The following CBLB variants were observed in gnomAD, a reference collection of about 807,000 sequenced individuals.
The protein encoded by CBLB is E3 ubiquitin-protein ligase CBL-B.
In CBLB, 31 loss-of-function variants were observed where a neutral mutation model predicts 104.9. That is an observed-to-expected ratio of 0.30 (90% CI 0.22 to 0.40). The LOEUF (loss-of-function observed/expected upper bound fraction) is 0.40. Among genes scored for constraint, CBLB ranks in the 10% least tolerant of loss-of-function variants. CBLB has a pLI of 1.00. For missense variants in CBLB, 1,062 were observed against 1,214.6 expected (o/e 0.87, Z 1.87); for synonymous variants, 440 against 422.6 (o/e 1.04, Z -0.51).
intron 1 of CBLB, chr3:105,868,339 G>C: frequency 6.2e-6 from 4 of 644,578 alleles, no homozygotes; most frequent in Non-Finnish European, 6.6e-6. Context: ...CTTTGTTTCA[G>C]GACGCCTGTG....
intron 12 of CBLB, 103 bp from the exon 13 acceptor site, chr3:105,693,691 A>AT: frequency 1.3e-6 from 1 of 763,094 alleles, no homozygotes; most frequent in Non-Finnish European, 2.3e-6. Context: ...AGTTCAGTAT[A>AT]TTTAAATAAG....
At chr3:105,807,515 G>C (rs946800125) in intron 3 of CBLB, among the ~76,000 whole-genome samples, 2 of 152,138 alleles carry the variant, frequency 1.3e-5, no homozygotes, top group African/African-American at 4.8e-5. Flanking sequence ...AGTCTTATTT[G>C]TGAAGTAAAA....
chr3:105,744,935 A>G (rs2075962461), intron 6 of CBLB, among the ~76,000 whole-genome samples: 1 of 152,224 alleles, frequency 6.6e-6, no homozygotes, highest in Non-Finnish European at 1.5e-5. Flanking sequence ...TCTCAAAAAC[A>G]AAGCAAAACA....
chr3:105,839,044 A>G (rs897876657), intron 3 of CBLB, among the ~76,000 whole-genome samples: 1 of 152,212 alleles, frequency 6.6e-6, no homozygotes, highest in African/African-American at 2.4e-5. Context: ...ATAGTCCTTG[A>G]TAAGATTATA....
intron 3 of CBLB, among the ~76,000 whole-genome samples, chr3:105,784,409 T>C (rs937477187): frequency 1.7e-4 from 26 of 152,218 alleles, no homozygotes; most frequent in Non-Finnish European, 3.2e-4. Context: ...ACATTAGAAA[T>C]GTTGGAAATT....
chr3:105,851,378 G>C (rs965112160), intron 3 of CBLB, among the ~76,000 whole-genome samples: 35 of 152,262 alleles, frequency 2.3e-4, no homozygotes, highest in Non-Finnish European at 4.1e-4. Context: ...TGGGTTCAGG[G>C]GGGGAAGTGA....
At chr3:105,696,433 A>C (rs1400040974) in intron 12 of CBLB, among the ~76,000 whole-genome samples, 1 of 151,822 alleles carries the variant, frequency 6.6e-6, no homozygotes, top group African/African-American at 2.4e-5. Context: ...GAGTACAATA[A>C]ATCACAACTT....
chr3:105,800,686 C>T (rs1453562122), intron 3 of CBLB, among the ~76,000 whole-genome samples: 1 of 152,074 alleles, frequency 6.6e-6, no homozygotes, highest in South Asian at 2.1e-4. Flanking sequence ...CAAACCCCCC[C>T]ACCCACTTCC....
chr3:105,740,747 C>A, intron 6 of CBLB, 116 bp from the exon 7 acceptor site: 1 of 871,744 alleles, frequency 1.1e-6, no homozygotes, highest in South Asian at 1.4e-5. Flanking sequence ...TTCCTGAATA[C>A]TCCTCATATT....
rs1577023877 is a variant in CBLB, at chr3:105,767,862, A to G, written c.566+8534T>C. On this transcript the variant is annotated intron_variant, in intron 4 of 18. Coordinates refer to ENST00000394030, the MANE Select transcript of CBLB (RefSeq NM_170662.5). Reference sequence around the variant, plus strand: ...ACCAACTAGATTCCCCAAAGTCACAAAGTGAGTAAATGTTGCAGTCAGAAC... The same window carrying G: ...ACCAACTAGATTCCCCAAAGTCACAGAGTGAGTAAATGTTGCAGTCAGAAC... Among the ~76,000 whole-genome samples the G allele has an allele frequency of 2.0e-5, 3 of 152,302 alleles. No individual in the cohort carries two copies. The South Asian group carries it at 6.2e-4, about 32-fold the overall frequency.
intron 4 of CBLB, among the ~76,000 whole-genome samples, chr3:105,769,791 GAATT>G (rs1312847178): frequency 6.6e-6 from 1 of 152,170 alleles, no homozygotes; most frequent in African/African-American, 2.4e-5. Context: ...CTTTAACCTA[GAATT>G]AATATTCATG....
At chr3:105,793,219 G>T (rs2152998659) in intron 3 of CBLB, among the ~76,000 whole-genome samples, 1 of 152,188 alleles carries the variant, frequency 6.6e-6, no homozygotes, top group African/African-American at 2.4e-5. Context: ...AGGAGCAGCT[G>T]CAGAATCCTA....
chr3:105,726,008 C>A (rs559558863), intron 9 of CBLB, among the ~76,000 whole-genome samples: 1 of 152,100 alleles, frequency 6.6e-6, no homozygotes, highest in East Asian at 1.9e-4. Context: ...CCCGCCACCA[C>A]GCCCAGTTAT....
In CBLB at chr3:105,848,786, C is replaced by A. The variant is rs570388065; in HGVS notation, c.419+4628G>T. ...TTTTAGCTCAATTATAGTAATGTCC[C>A]TAGTGAGCTACTTACAGAATCAAAG... On this transcript the variant is annotated intron_variant, in intron 3 of 18. Transcript: ENST00000394030. Among the ~76,000 whole-genome samples, 29 of 152,154 alleles carry A rather than the reference C, an allele frequency of 1.9e-4. No homozygotes were observed. The South Asian group carries it at 6.0e-3, about 32-fold the overall frequency.
At chr3:105,754,016 T>C (rs1039115983) in intron 4 of CBLB, among the ~76,000 whole-genome samples, 3 of 152,156 alleles carry the variant, frequency 2.0e-5, no homozygotes, top group Non-Finnish European at 4.4e-5. Context: ...TTAGTGGTAG[T>C]AATAGGGATT....
At chr3:105,840,595 G>A (rs527731792) in intron 3 of CBLB, among the ~76,000 whole-genome samples, 1 of 152,072 alleles carries the variant, frequency 6.6e-6, no homozygotes, top group African/African-American at 2.4e-5. Context: ...AACTGGTAAC[G>A]AAACTTCATT....
intron 10 of CBLB, among the ~76,000 whole-genome samples, chr3:105,715,795 T>A (rs1184349118): frequency 6.6e-6 from 1 of 152,034 alleles, no homozygotes; most frequent in Non-Finnish European, 1.5e-5. Context: ...TCCCAGCACT[T>A]TGGGAGGCTG....
intron 18 of CBLB, among the ~76,000 whole-genome samples, chr3:105,668,808 A>G (rs2064754529): frequency 6.6e-6 from 1 of 152,202 alleles, no homozygotes; most frequent in Admixed American, 6.5e-5. Flanking sequence ...CGTAAGAACT[A>G]CCGTACTGAC....
chr3:105,832,326 TA>T (rs1339711490), intron 3 of CBLB, among the ~76,000 whole-genome samples: 1 of 152,178 alleles, frequency 6.6e-6, no homozygotes, highest in Non-Finnish European at 1.5e-5. Context: ...TGCTTCTCAG[TA>T]AAACTTTTAA....
Sources: gnomAD v4.1 joint callset for allele counts (sites outside exome capture counted in the v4.1 genomes callset) on GRCh38, gnomAD v4.1.1 for gene constraint, MANE v1.5 for transcripts, NCBI Gene and HGNC (gene_info 2026-07-23, HGNC 2026-07-21) for gene names.